The following SBF2 variants were observed in gnomAD, a reference collection of about 807,000 sequenced individuals.
The protein encoded by SBF2 is SET binding factor 2, also known as myotubularin-related protein 13.
Under a neutral mutation model 225.2 loss-of-function variants are expected in SBF2, and 112 were observed. That is an observed-to-expected ratio of 0.50 (90% CI 0.43 to 0.58). The LOEUF (loss-of-function observed/expected upper bound fraction) is 0.58, where lower values mean the gene tolerates loss of function less well. SBF2 is among the 20% of genes least tolerant of loss of function. SBF2 has a pLI of 0.00. For synonymous variants in SBF2, 763 were observed against 773.3 expected (o/e 0.99, Z 0.22); for missense variants, 1,996 against 2,206.2 (o/e 0.90, Z 1.91).
chr11:9,968,524 C>G lies in SBF2; in HGVS notation c.1417G>C (p.Ala473Pro). 2 of 1,613,794 alleles carry G rather than the reference C, an allele frequency of 1.2e-6. No individual in the cohort carries two copies. The highest frequency in any genetic ancestry group is 1.1e-5 in the South Asian group (1 of 91,072). Residue 473 changes from alanine to proline, a missense_variant, in exon 14 of 40, where the codon GCA becomes CCA. Coordinates refer to ENST00000256190, the MANE Select transcript of SBF2 (RefSeq NM_030962.4). ...GTTGGCCGTGGAACTTTCTGGAATG[C>G]CATATGAGGATTTGGATTCTCCTGT... is the stretch of plus-strand genomic sequence containing the variant. Reference protein sequence around the residue: ...FKNENPNPHMAFQKVPRPTEG... With the variant: ...FKNENPNPHMPFQKVPRPTEG...
At chr11:9,903,874 G>C (rs893544343) in intron 16 of SBF2, among the ~76,000 whole-genome samples, 21 of 152,138 alleles carry the variant, frequency 1.4e-4, no homozygotes, top group African/African-American at 4.6e-4. Context: ...CTGCCATTTT[G>C]TCTCTTAATG....
intron 2 of SBF2, among the ~76,000 whole-genome samples, chr11:10,044,888 C>G (rs11042597): frequency 0.014 from 2,145 of 152,240 alleles, 53 homozygotes; most frequent in African/African-American, 0.048. Flanking sequence ...AAGTAAATTG[C>G]CTTGCTGAGA....
At chr11:10,257,354 T>C (rs974824143) in intron 1 of SBF2, among the ~76,000 whole-genome samples, 1 of 152,206 alleles carries the variant, frequency 6.6e-6, no homozygotes, top group Non-Finnish European at 1.5e-5. Flanking sequence ...AAGAAAGTTC[T>C]ATGACCAAAT....
At chr11:9,814,696 T>C (rs528359619) in intron 29 of SBF2, among the ~76,000 whole-genome samples, 1 of 152,330 alleles carries the variant, frequency 6.6e-6, no homozygotes, top group Admixed American at 6.5e-5. Flanking sequence ...TGAGTTCCTT[T>C]CTATTATTTT....
chr11:9,991,232 A>T (rs1947419493), intron 12 of SBF2, among the ~76,000 whole-genome samples: 1 of 152,212 alleles, frequency 6.6e-6, no homozygotes, highest in South Asian at 2.1e-4. Context: ...AATTGATTAG[A>T]AAAACTTGTC....
At chr11:9,836,065 T>C (rs965203174) in intron 26 of SBF2, among the ~76,000 whole-genome samples, 3 of 152,188 alleles carry the variant, frequency 2.0e-5, no homozygotes, top group Non-Finnish European at 4.4e-5. Context: ...TCCAAAGTTA[T>C]TTAACCAATT....
At chr11:10,091,589 C>T (rs1290215140) in intron 2 of SBF2, among the ~76,000 whole-genome samples, 2 of 152,148 alleles carry the variant, frequency 1.3e-5, no homozygotes, top group African/African-American at 2.4e-5. Flanking sequence ...CATAATAAAG[C>T]AAACAATTAC....
intron 21 of SBF2, among the ~76,000 whole-genome samples, chr11:9,851,310 G>C (rs911147387): frequency 4.6e-5 from 7 of 152,142 alleles, no homozygotes; most frequent in African/African-American, 1.7e-4. Flanking sequence ...TGGAGGTGGA[G>C]GTAGTATAGG....
chr11:10,143,506 T>A (rs911398648), intron 2 of SBF2, among the ~76,000 whole-genome samples: 1 of 152,180 alleles, frequency 6.6e-6, no homozygotes, highest in African/African-American at 2.4e-5. Context: ...TGTGATATAA[T>A]CCCATGAGAA....
chr11:9,787,520 C>T, intron 36 of SBF2, 114 bp downstream of exon 36: 1 of 839,254 alleles, frequency 1.2e-6, no homozygotes, highest in South Asian at 1.4e-5. Context: ...CCTTTCCACC[C>T]TTCCTTCTGG....
intron 7 of SBF2, among the ~76,000 whole-genome samples, chr11:10,001,820 C>T (rs542834356): frequency 6.6e-6 from 1 of 151,998 alleles, no homozygotes; most frequent in African/African-American, 2.4e-5. Flanking sequence ...GCCACTGCGC[C>T]TGGCCAAAAA....
chr11:10,191,189 G>A (rs1051921838), intron 2 of SBF2, among the ~76,000 whole-genome samples: 4 of 152,052 alleles, frequency 2.6e-5, no homozygotes, highest in African/African-American at 7.2e-5. Flanking sequence ...AAAGGGTCAC[G>A]ACTACACTGG....
chr11:10,195,544 A>C (rs558199356), intron 1 of SBF2, among the ~76,000 whole-genome samples: 156 of 152,348 alleles, frequency 1.0e-3, no homozygotes, highest in South Asian at 6.4e-3. Context: ...AACTTGAGGA[A>C]GTCTTCACAA....
At chr11:10,219,410 G>A (rs1958258054) in intron 1 of SBF2, among the ~76,000 whole-genome samples, 1 of 152,150 alleles carries the variant, frequency 6.6e-6, no homozygotes. Flanking sequence ...GCCTGGCCCA[G>A]GAAACCATTT....
At chr11:10,099,943 C>T (rs926602125) in intron 2 of SBF2, among the ~76,000 whole-genome samples, 1 of 151,926 alleles carries the variant, frequency 6.6e-6, no homozygotes, top group Non-Finnish European at 1.5e-5. Flanking sequence ...AATCAAAGGA[C>T]CTACAAAGCA....
At chr11:9,787,491 T>G in intron 36 of SBF2, 143 bp downstream of exon 36, 1 of 720,296 alleles carries the variant, frequency 1.4e-6, no homozygotes, top group Non-Finnish European at 2.5e-6. Flanking sequence ...GCCCTGGACC[T>G]CCAGGACATG....
intron 24 of SBF2, among the ~76,000 whole-genome samples, 156 bp downstream of exon 24, chr11:9,845,409 G>T (rs1009174763): frequency 1.7e-4 from 26 of 152,194 alleles, no homozygotes; most frequent in African/African-American, 6.0e-4. Context: ...CAATGCTGCT[G>T]TTCCGTAACT....
rs531321350 is a variant in SBF2 at position 9,882,591 on chromosome 11, A to G, written c.1929+13352T>C. 2.9e-3 allele frequency among the ~76,000 whole-genome samples: 444 copies of G among 152,054 alleles called. 3 individuals are homozygous for G. The highest frequency in any genetic ancestry group is 4.7e-3 in the Non-Finnish European group (318 of 67,964). On this transcript the variant is annotated intron_variant, in intron 17 of 39. Coordinates refer to ENST00000256190, the MANE Select transcript of SBF2 (RefSeq NM_030962.4). ...TGGGAGGCCAAGGCGGGCGGATCAC[A>G]AAGTCAGGAGATCGAGACCATCCTG...
At chr11:9,845,992 T>C (rs1856517089) in intron 23 of SBF2, among the ~76,000 whole-genome samples, 1 of 152,204 alleles carries the variant, frequency 6.6e-6, no homozygotes, top group Admixed American at 6.5e-5. Flanking sequence ...TCTTCTACAA[T>C]GGGATAGGGA....
Sources: gnomAD v4.1 joint callset for allele counts (sites outside exome capture counted in the v4.1 genomes callset) on GRCh38, gnomAD v4.1.1 for gene constraint, MANE v1.5 for transcripts, NCBI Gene and HGNC (gene_info 2026-07-23, HGNC 2026-07-21) for gene names.